EPHA6: variants seen among roughly 807,000 people sequenced by gnomAD.
The protein encoded by EPHA6 is EPH receptor A6.
In EPHA6, 50 loss-of-function variants were observed where a neutral mutation model predicts 112.0. The ratio of observed to expected loss-of-function variants is 0.45; its 90% CI spans 0.36 to 0.56. EPHA6 has a LOEUF of 0.56. EPHA6 is among the 20% of genes least tolerant of loss of function. The probability of loss-of-function intolerance (pLI) is 0.00; values close to 1 mark genes in which losing one functional copy is unlikely to be tolerated. For synonymous variants in EPHA6, 529 were observed against 490.7 expected, an observed-to-expected ratio of 1.08 and a Z score of -1.03; for missense variants, 1,280 against 1,417.4, an observed-to-expected ratio of 0.90 and a Z score of 1.56.
chr3:97,017,069 C>A (rs1377526318), intron 3 of EPHA6, among the ~76,000 whole-genome samples: 1 of 152,126 alleles, frequency 6.6e-6, no homozygotes, highest in Non-Finnish European at 1.5e-5. Context: ...TAGAAGCCTC[C>A]AATCATCCCA....
Position 96,815,001 on chromosome 3 carries a change from C to A in EPHA6, c.378C>A (p.Asn126Lys), listed in dbSNP as rs757309852. The change falls in exon 1 of 18, where the codon AAC (asparagine) becomes AAA (lysine). Residue 126 changes from asparagine (N) to lysine (K), a missense_variant. Coordinates refer to ENST00000389672, the MANE Select transcript of EPHA6 (RefSeq NM_001080448.3). ...CAGGCGACTGCAGTCACGTCTCCAA[C>A]AACCAAGGTAAGGGACGGGGCGGAG... ...AWPGDCSHVS[N>K]NQVVLLDTTT... The A allele has an allele frequency of 6.6e-7, 1 of 1,518,268 alleles. No homozygotes were observed. The highest frequency in any genetic ancestry group is 8.9e-7 in the Non-Finnish European group (1 of 1,126,576). 94.0% of individuals were successfully genotyped at this position (1,518,268 alleles called of 1,614,324 possible).
chr3:97,517,400 A>G (rs1305087380), intron 10 of EPHA6, among the ~76,000 whole-genome samples: 2 of 152,068 alleles, frequency 1.3e-5, no homozygotes, highest in Admixed American at 6.5e-5. Context: ...TCTAGATTGA[A>G]TGCTATCAGA....
chr3:97,059,250 AT>A (rs1331240042), intron 3 of EPHA6, among the ~76,000 whole-genome samples: 1 of 152,112 alleles, frequency 6.6e-6, no homozygotes, highest in East Asian at 1.9e-4. Flanking sequence ...TTCTCAAATG[AT>A]TTTTCTTTGT....
chr3:97,492,386 A>G (rs1371704090), intron 10 of EPHA6, among the ~76,000 whole-genome samples: 2 of 151,282 alleles, frequency 1.3e-5, no homozygotes, highest in Non-Finnish European at 3.0e-5. Flanking sequence ...CTACTAAAAT[A>G]CAAAAATTAG....
At chr3:97,732,177 C>A (rs1250548636) in intron 15 of EPHA6, among the ~76,000 whole-genome samples, 2 of 151,736 alleles carry the variant, frequency 1.3e-5, no homozygotes, top group Non-Finnish European at 2.9e-5. Context: ...TACGTAACCT[C>A]CCAACCTCAA....
chr3:97,570,464 G>T (rs543863757), intron 11 of EPHA6, among the ~76,000 whole-genome samples: 2 of 152,264 alleles, frequency 1.3e-5, no homozygotes, highest in African/African-American at 2.4e-5. Context: ...GGGCGCGGTG[G>T]CTCACGCCTG....
intron 2 of EPHA6, among the ~76,000 whole-genome samples, chr3:96,929,132 G>T (rs1441022028): frequency 1.3e-5 from 2 of 152,126 alleles, no homozygotes; most frequent in African/African-American, 4.8e-5. Flanking sequence ...CTGTACCTTG[G>T]CCTCCTTTAG....
At chr3:97,179,729 C>CTCTCTCTCTCTT (rs1484929646) in intron 3 of EPHA6, among the ~76,000 whole-genome samples, 3 of 149,250 alleles carry the variant, frequency 2.0e-5, no homozygotes, top group African/African-American at 7.5e-5. Context: ...CTCTCTCTCT[C>CTCTCTCTCTCTT]TCTCTCTCTC....
chr3:96,839,594 G>T (rs908957121), intron 1 of EPHA6, among the ~76,000 whole-genome samples: 1 of 151,862 alleles, frequency 6.6e-6, no homozygotes, highest in Non-Finnish European at 1.5e-5. Flanking sequence ...TAAGAAATGA[G>T]AAATAATATT....
intron 3 of EPHA6, among the ~76,000 whole-genome samples, chr3:96,997,663 A>G (rs571862756): frequency 1.1e-4 from 17 of 151,982 alleles, no homozygotes; most frequent in Non-Finnish European, 1.5e-4. Context: ...AAAATCACCA[A>G]TCATACAAAA....
chr3:96,816,765 T>TA (rs2032819663), intron 1 of EPHA6, among the ~76,000 whole-genome samples: 1 of 152,010 alleles, frequency 6.6e-6, no homozygotes, highest in Non-Finnish European at 1.5e-5. Flanking sequence ...CAAATGACCC[T>TA]AAAGTGCCAT....
chr3:97,138,900 G>A (rs1576555244), intron 3 of EPHA6, among the ~76,000 whole-genome samples: 1 of 152,200 alleles, frequency 6.6e-6, no homozygotes, highest in East Asian at 1.9e-4. Context: ...GCTACTGCCA[G>A]TGGAGACCCT....
intron 5 of EPHA6, among the ~76,000 whole-genome samples, chr3:97,393,725 A>G (rs1027547468): frequency 4.0e-5 from 6 of 151,546 alleles, no homozygotes; most frequent in African/African-American, 1.5e-4. Flanking sequence ...ACCTCTCCCC[A>G]TTTTGCTCCC....
At chr3:96,916,537 A>G (rs2039490375) in intron 2 of EPHA6, among the ~76,000 whole-genome samples, 1 of 152,154 alleles carries the variant, frequency 6.6e-6, no homozygotes, top group Non-Finnish European at 1.5e-5. Flanking sequence ...TGGCAAATCC[A>G]CAATTACTTT....
At chr3:97,592,461 A>G in intron 11 of EPHA6, 151 bp from the exon 12 acceptor site, 1 of 816,580 alleles carries the variant, frequency 1.2e-6, no homozygotes, top group Non-Finnish European at 1.9e-6. Flanking sequence ...TTATAAATTT[A>G]TGGAGTAAAA....
At chr3:97,637,404 C>T (rs1324560505) in intron 13 of EPHA6, among the ~76,000 whole-genome samples, 1 of 151,920 alleles carries the variant, frequency 6.6e-6, no homozygotes, top group Non-Finnish European at 1.5e-5. Context: ...AGTCACCTGT[C>T]CTGACTACTA....
At chr3:97,538,999 CT>C in intron 11 of EPHA6, among the ~76,000 whole-genome samples, 1 of 147,290 alleles carries the variant, frequency 6.8e-6, no homozygotes, top group South Asian at 2.1e-4. Flanking sequence ...TTCTTTCTTT[CT>C]TTCTTTCTTT....
rs796531853 is a variant in EPHA6, at chr3:96,931,018, A to AAAAAAAAAAAAAAAG, written c.451-56309_451-56308insAAAAAAAAAAAGAAA. On this transcript the variant is annotated intron_variant, in intron 2 of 17. Coordinates refer to ENST00000389672, the MANE Select transcript of EPHA6 (RefSeq NM_001080448.3). ...AAAAAAAAAAAAAAAAAAAAAAAAA[A>AAAAAAAAAAAAAAAG]AAAGAAAAGCTTTCTGGCTGCTTTT... 6.1e-4 allele frequency among the ~76,000 whole-genome samples: 52 copies of AAAAAAAAAAAAAAAG among 84,562 alleles called. 9 individuals are homozygous for AAAAAAAAAAAAAAAG. The highest frequency in any genetic ancestry group is 1.8e-3 in the African/African-American group (42 of 23,662). The allele number at this position is 84,562 out of a possible 152,430, so 55.5% of individuals were successfully genotyped here. A position where few individuals can be genotyped will look rare whatever the true frequency, so the allele number is the denominator to read the frequency against.
intron 6 of EPHA6, among the ~76,000 whole-genome samples, chr3:97,415,739 C>A (rs2088071954): frequency 1.3e-5 from 2 of 152,050 alleles, no homozygotes; most frequent in Non-Finnish European, 2.9e-5. Flanking sequence ...ATTTCTATTC[C>A]TTTGATAAAT....
Sources: gnomAD v4.1 joint callset for allele counts (sites outside exome capture counted in the v4.1 genomes callset) on GRCh38, gnomAD v4.1.1 for gene constraint, MANE v1.5 for transcripts, NCBI Gene and HGNC (gene_info 2026-07-23, HGNC 2026-07-21) for gene names.